The following ADGB variants were observed in gnomAD, a reference collection of about 807,000 sequenced individuals.
ADGB encodes the protein androglobin.
ADGB carries 172 observed loss-of-function variants against 210.5 expected under a neutral mutation model. The ratio of observed to expected loss-of-function variants is 0.82; its 90% CI spans 0.72 to 0.93. The LOEUF (loss-of-function observed/expected upper bound fraction) is 0.93, where lower values mean the gene tolerates loss of function less well. Ranked by LOEUF, ADGB falls within the 40% of genes least tolerant of loss-of-function variation. The pLI is 0.00. For missense variants in ADGB, 2,025 were observed against 1,964.8 expected (o/e 1.03, Z -0.58); for synonymous variants, 658 against 662.7 (o/e 0.99, Z 0.11).
intron 35 of ADGB, chr6:146,803,014 C>A: frequency 3.1e-6 from 5 of 1,606,732 alleles, no homozygotes; most frequent in Admixed American, 1.7e-5. Context: ...ACATATTCTT[C>A]AAATTTGCTT....
At chr6:146,599,148 G>A in intron 1 of ADGB, 34 bp downstream of exon 1, 1 of 1,539,374 alleles carries the variant, frequency 6.5e-7, no homozygotes, top group South Asian at 1.2e-5. Flanking sequence ...CCCTCCCCTG[G>A]CCTAGCCCCT....
Position 146,763,977 on chromosome 6 carries a change from G to C in ADGB, c.3627G>C (p.Gln1209His). The part of the protein sequence containing the change: ...QEVYVKKKAA[Q>H]GIQKSPKGRA... ...TGTATGTTAAGAAGAAAGCTGCTCA[G>C]GGAATTCAGAAATCCCCCAAGGGTA... Residue 1209 changes from glutamine to histidine, a missense_variant, in exon 28 of 36, where the codon CAG (glutamine) becomes CAC (histidine). Physicochemically the swap from Gln to His is conservative, Grantham distance 24. Coordinates refer to ENST00000397944, the MANE Select transcript of ADGB (RefSeq NM_024694.4). The C allele has an allele frequency of 6.4e-7, 1 of 1,551,482 alleles. No homozygotes were observed. Among genetic ancestry groups the C allele is most frequent in the Non-Finnish European group, 8.7e-7 (1 of 1,146,874 alleles).
rs574032704 is a variant in ADGB at position 146,732,904 on chromosome 6, G to T, written c.2521-216G>T. 2.7e-5 allele frequency among the ~76,000 whole-genome samples: 4 copies of T among 148,778 alleles called. No individual in the cohort carries two copies. The South Asian group carries it at 8.3e-4, about 31-fold the overall frequency. ...TTTTCATTGAGTCTATATTATAAAC[G>T]TTGTAGTGATTACATTTTGTTAAAT... On this transcript the variant is annotated intron_variant, in intron 20 of 35. Coordinates refer to ENST00000397944, the MANE Select transcript of ADGB (RefSeq NM_024694.4).
intron 27 of ADGB, among the ~76,000 whole-genome samples, chr6:146,762,156 T>TTGG (rs1554252141): frequency 7.9e-5 from 12 of 151,558 alleles, no homozygotes; most frequent in Non-Finnish European, 1.8e-4. Flanking sequence ...CATATTTTTT[T>TTGG]GGGGGGGTCA....
chr6:146,634,696 G>C (rs1341715342), intron 1 of ADGB, among the ~76,000 whole-genome samples: 3 of 152,026 alleles, frequency 2.0e-5, no homozygotes, highest in Middle Eastern at 3.4e-3. Flanking sequence ...GTATAGGAAG[G>C]CTCCTCATTA....
chr6:146,799,710 G>A (rs567456821), intron 33 of ADGB, among the ~76,000 whole-genome samples: 1 of 151,966 alleles, frequency 6.6e-6, no homozygotes, highest in South Asian at 2.1e-4. Flanking sequence ...AATGGGGGAG[G>A]CTACAATGTG....
At chr6:146,807,489 G>GA in intron 35 of ADGB, 2 of 1,551,616 alleles carry the variant, frequency 1.3e-6, no homozygotes, top group Admixed American at 3.9e-5. Context: ...CCTAAAGCTG[G>GA]AAGCTCTCTC....
intron 19 of ADGB, among the ~76,000 whole-genome samples, chr6:146,727,833 G>C (rs1408619342): frequency 1.3e-5 from 2 of 152,286 alleles, no homozygotes; most frequent in Admixed American, 1.3e-4. Context: ...TTCCAGTAAC[G>C]AGTCAGTTGC....
chr6:146,730,163 A>G lies in ADGB; in HGVS notation c.2520+1422A>G, dbSNP rs528348405. ...CATAATTACTTATAAAATTACTTAT[A>G]TAAAAATTTATTTTATCCATTATTC... On this transcript the variant is annotated intron_variant, in intron 20 of 35. Transcript: ENST00000397944. Among the ~76,000 whole-genome samples the G allele has an allele frequency of 2.0e-5, 3 of 152,334 alleles. No homozygotes were observed. The East Asian group carries it at 5.8e-4, about 29-fold the overall frequency.
intron 13 of ADGB, 77 bp downstream of exon 13, chr6:146,701,147 T>G: frequency 7.0e-7 from 1 of 1,435,002 alleles, no homozygotes; most frequent in East Asian, 2.5e-5. Flanking sequence ...AAACATACTA[T>G]ACATACAAAA....
chr6:146,643,527 T>G (rs1322456687), intron 2 of ADGB, among the ~76,000 whole-genome samples: 1 of 151,470 alleles, frequency 6.6e-6, no homozygotes, highest in Non-Finnish European at 1.5e-5. Context: ...CTTAGAACTC[T>G]TACATAGTAC....
At chr6:146,766,101 A>C (rs1379954725) in intron 28 of ADGB, among the ~76,000 whole-genome samples, 1 of 152,150 alleles carries the variant, frequency 6.6e-6, no homozygotes, top group Non-Finnish European at 1.5e-5. Context: ...GCTCTGTGCC[A>C]GCAAATTTAA....
intron 6 of ADGB, 21 bp downstream of exon 6, chr6:146,664,361 T>G (rs1775908966): frequency 7.2e-6 from 11 of 1,520,420 alleles, no homozygotes; most frequent in Non-Finnish European, 8.8e-6. Context: ...ACACTATCAC[T>G]CACATGAATA....
chr6:146,777,035 G>C (rs1020671240), intron 29 of ADGB, among the ~76,000 whole-genome samples: 5 of 151,872 alleles, frequency 3.3e-5, no homozygotes, highest in Non-Finnish European at 7.4e-5. Context: ...CTCCTATAGA[G>C]CGCTCACAGT....
chr6:146,809,800 C>T lies in ADGB; in HGVS notation c.4819-5232C>T, dbSNP rs183235720. ...AATAGGAACATTGCCCTATGCTATACAAAAAAATTAAATAGATTAAAGATT... is the reference window on the plus strand; with the variant it reads ...AATAGGAACATTGCCCTATGCTATATAAAAAAATTAAATAGATTAAAGATT... On this transcript the variant is annotated intron_variant, in intron 35 of 35. Transcript: ENST00000397944. Among the ~76,000 whole-genome samples the T allele has an allele frequency of 7.7e-3, 1,169 of 152,098 alleles. 7 individuals are homozygous for T. The highest frequency in any genetic ancestry group is 0.026 in the African/African-American group (1,086 of 41,472).
rs535237751 is a variant in ADGB at position 146,809,554 on chromosome 6, C to T, written c.4819-5478C>T. Among the ~76,000 whole-genome samples the T allele has an allele frequency of 1.3e-3, 203 of 151,494 alleles. 1 individual carries two copies. The highest frequency in any genetic ancestry group is 4.7e-3 in the African/African-American group (195 of 41,074). On this transcript the variant is annotated intron_variant, in intron 35 of 35. Transcript: ENST00000397944. ...ACGGGGTTTCACCATGTTTCCCAGG[C>T]TGTTCTCAAACTCCTGAGTTCAAGA...
intron 35 of ADGB, among the ~76,000 whole-genome samples, chr6:146,805,108 C>G (rs1778192658): frequency 6.6e-6 from 1 of 152,186 alleles, no homozygotes; most frequent in African/African-American, 2.4e-5. Context: ...TTATCAAGAT[C>G]CCCTGGCTGA....
intron 35 of ADGB, chr6:146,807,294 A>C (rs764110359): frequency 9.2e-6 from 10 of 1,090,216 alleles, no homozygotes; most frequent in Non-Finnish European, 1.3e-5. Context: ...CATTTTGCCT[A>C]TGAATGTGTG....
Position 146,701,000 on chromosome 6 carries a change from T to C in ADGB, c.1637T>C (p.Val546Ala). 1 of 1,551,138 alleles carries C rather than the reference T, an allele frequency of 6.4e-7. No homozygotes were observed. Among genetic ancestry groups the C allele is most frequent in the Non-Finnish European group, 8.7e-7 (1 of 1,146,516 alleles). ...GIPPGSDLPS[V>A]SETDETATHS... Reference sequence around the variant, plus strand: ...CCTCCAGGATCTGATTTACCTTCCGTCAGTGAAACTGATGAAACTGCAACA... The same window carrying C: ...CCTCCAGGATCTGATTTACCTTCCGCCAGTGAAACTGATGAAACTGCAACA... Residue 546 changes from valine to alanine, a missense_variant, in exon 13 of 36, where the codon GTC (valine) becomes GCC (alanine). Val to Ala is a moderately conservative substitution (Grantham distance 64). Coordinates refer to ENST00000397944, the MANE Select transcript of ADGB (RefSeq NM_024694.4).
Sources: allele counts gnomAD v4.1 joint callset (sites outside exome capture counted in the v4.1 genomes callset), GRCh38; gene constraint gnomAD v4.1.1; transcripts MANE v1.5; gene names NCBI Gene and HGNC (gene_info 2026-07-23, HGNC 2026-07-21).